The following LPIN1 variants were observed in gnomAD, a reference collection of about 807,000 sequenced individuals.
LPIN1 encodes the protein lipin 1, also known as phosphatidate phosphatase LPIN1.
A neutral mutation model predicts 107.5 loss-of-function variants in LPIN1; 71 were observed. That is an observed-to-expected ratio of 0.66 (90% CI 0.55 to 0.80). The LOEUF (loss-of-function observed/expected upper bound fraction) is 0.80. Ranked by LOEUF, LPIN1 falls within the 30% of genes least tolerant of loss-of-function variation. The pLI is 0.00. For synonymous variants in LPIN1, 445 were observed against 452.6 expected, an observed-to-expected ratio of 0.98 and a Z score of 0.21; for missense variants, 1,043 against 1,160.6, an observed-to-expected ratio of 0.90 and a Z score of 1.47.
intron 3 of LPIN1, among the ~76,000 whole-genome samples, chr2:11,770,874 T>C (rs1357364084): frequency 6.6e-6 from 1 of 152,178 alleles, no homozygotes; most frequent in East Asian, 1.9e-4. Flanking sequence ...ATCGGTTGTT[T>C]TACGTGTTTT....
Position 11,803,050 on chromosome 2 carries a change from T to G in LPIN1, c.2013+17T>G. 6.2e-7 allele frequency: 1 copy of G among 1,611,974 alleles called. No homozygotes were observed. The highest frequency in any genetic ancestry group is 8.5e-7 in the Non-Finnish European group (1 of 1,180,024). ...GAGCAGCTTGTGAGTCTCCCATGCTTGGCGCGGCTGTGTTGTGAGCACATG... is the reference window on the plus strand; with the variant it reads ...GAGCAGCTTGTGAGTCTCCCATGCTGGGCGCGGCTGTGTTGTGAGCACATG... On this transcript the variant is annotated intron_variant, in intron 15 of 20. Coordinates refer to ENST00000674199, the MANE Select transcript of LPIN1 (RefSeq NM_001349206.2). This position sits in a 1 kb window ranked among gnomAD's most constrained non-coding sequence, Gnocchi z 4.2.
At chr2:11,779,388 A>AT in intron 6 of LPIN1, 131 bp from the exon 7 acceptor site, 2 of 999,030 alleles carry the variant, frequency 2.0e-6, no homozygotes, top group Non-Finnish European at 1.5e-6. Flanking sequence ...GGGATTTGTC[A>AT]TGAGGCTCCG....
intron 18 of LPIN1, chr2:11,818,468 G>T (rs1356466635): frequency 6.7e-6 from 1 of 149,212 alleles, no homozygotes; most frequent in Non-Finnish European, 1.5e-5. Context: ...TACCTTTTCT[G>T]CTTGTTTCTA....
chr2:11,785,091 G>T lies in LPIN1; in HGVS notation c.1549+15G>T. 6.5e-7 allele frequency: 1 copy of T among 1,535,302 alleles called. No individual in the cohort carries two copies. The highest frequency in any genetic ancestry group is 1.4e-5 in the African/African-American group (1 of 73,200). ...GATCACGAAAGGTACCGCGGGCCTCGCGCGGGCGCCCTCTGGTGGCCGCCG... is the reference window on the plus strand; with the variant it reads ...GATCACGAAAGGTACCGCGGGCCTCTCGCGGGCGCCCTCTGGTGGCCGCCG... On this transcript the variant is annotated intron_variant, in intron 10 of 20. Transcript: ENST00000674199.
At chr2:11,760,580 T>C (rs936103468) in intron 1 of LPIN1, among the ~76,000 whole-genome samples, 13 of 151,978 alleles carry the variant, frequency 8.6e-5, no homozygotes, top group East Asian at 7.7e-4. Context: ...ACTCGGCAGG[T>C]TGAGGCAGGA....
At chr2:11,807,723 TTGA>T (rs1270953009) in intron 17 of LPIN1, among the ~76,000 whole-genome samples, 2 of 152,142 alleles carry the variant, frequency 1.3e-5, no homozygotes, top group Non-Finnish European at 2.9e-5. Flanking sequence ...TGCCTGCTCA[TTGA>T]GTTGGATATG....
chr2:11,764,078 G>GTGTATATATATA (rs1313228035), intron 1 of LPIN1: 2 of 63,278 alleles, frequency 3.2e-5, no homozygotes, highest in East Asian at 8.0e-4. Context: ...GTGTGTGTGT[G>GTGTATATATATA]TATATATATA....
intron 1 of LPIN1, among the ~76,000 whole-genome samples, chr2:11,753,289 G>T (rs1216591550): frequency 2.6e-5 from 4 of 152,144 alleles, no homozygotes; most frequent in Non-Finnish European, 4.4e-5. Context: ...CCTTTAAAAG[G>T]CCTCTGACTT....
intron 13 of LPIN1, among the ~76,000 whole-genome samples, chr2:11,793,860 A>G (rs1262596877): frequency 6.6e-6 from 1 of 152,148 alleles, no homozygotes; most frequent in Admixed American, 6.5e-5. Context: ...GAGACCATAT[A>G]TGGCTTTGAT....
At chr2:11,767,703 T>G in intron 2 of LPIN1, 60 bp from the exon 3 acceptor site, 101 of 1,059,276 alleles carry the variant, frequency 9.5e-5, no homozygotes, top group Non-Finnish European at 1.4e-4. Flanking sequence ...GCCGTCCCCA[T>G]GAGGTCTCCT....
rs753859963 is a variant in LPIN1 at position 11,805,289 on chromosome 2, T to TGG, written c.2249+137_2249+138dup. On this transcript the variant is annotated intron_variant, in intron 17 of 20. Coordinates refer to ENST00000674199, the MANE Select transcript of LPIN1 (RefSeq NM_001349206.2). ...CTGCACCTCAACCAGGGAGGGGCAG[T>TGG]GGGGGTCAGGGGTAGCAGTGGAGTC... 6.1e-4 allele frequency: 458 copies of TGG among 750,536 alleles called. 2 individuals carry two copies. Among genetic ancestry groups the TGG allele is most frequent in the Non-Finnish European group, 9.5e-4 (401 of 422,490 alleles). The allele number at this position is 750,536 out of a possible 1,614,324, so 46.5% of individuals were successfully genotyped here.
At chr2:11,791,127 G>C (rs1483716812) in intron 12 of LPIN1, among the ~76,000 whole-genome samples, 1 of 152,142 alleles carries the variant, frequency 6.6e-6, no homozygotes, top group African/African-American at 2.4e-5. Context: ...GTGTCAGATA[G>C]GGATCTTTTA....
chr2:11,811,943 C>T (rs1453264847), intron 17 of LPIN1, among the ~76,000 whole-genome samples: 1 of 152,124 alleles, frequency 6.6e-6, no homozygotes, highest in African/African-American at 2.4e-5. Context: ...TGAGATCGTG[C>T]CACTGCACTC....
intron 1 of LPIN1, among the ~76,000 whole-genome samples, chr2:11,696,237 GT>G (rs1254481022): frequency 2.0e-5 from 3 of 150,250 alleles, no homozygotes; most frequent in African/African-American, 7.4e-5. Context: ...CTGTGTCCAT[GT>G]GTTCTCATTG....
At chr2:11,810,450 A>G (rs1399861009) in intron 17 of LPIN1, among the ~76,000 whole-genome samples, 1 of 152,114 alleles carries the variant, frequency 6.6e-6, no homozygotes, top group Non-Finnish European at 1.5e-5. Context: ...TCCGGTGCAG[A>G]CGGTGGGGTG....
At chr2:11,710,266 G>T (rs1297932460) in intron 1 of LPIN1, among the ~76,000 whole-genome samples, 16 of 152,046 alleles carry the variant, frequency 1.1e-4, no homozygotes, top group East Asian at 9.6e-4. Context: ...ATTTATGGTG[G>T]CAGGGGTGTG....
chr2:11,799,148 C>T (rs909418096), intron 14 of LPIN1, among the ~76,000 whole-genome samples: 2 of 152,134 alleles, frequency 1.3e-5, no homozygotes, highest in East Asian at 1.9e-4. Context: ...TGCCCTAAGC[C>T]GAAACCACCA....
At chr2:11,735,562 G>A (rs1665713261) in intron 1 of LPIN1, among the ~76,000 whole-genome samples, 1 of 152,126 alleles carries the variant, frequency 6.6e-6, no homozygotes, top group Non-Finnish European at 1.5e-5. Flanking sequence ...CCTTCAACAA[G>A]TCTTCTGAGA....
At chr2:11,711,461 C>T (rs1011675919) in intron 1 of LPIN1, among the ~76,000 whole-genome samples, 1 of 152,192 alleles carries the variant, frequency 6.6e-6, no homozygotes, top group Non-Finnish European at 1.5e-5. Flanking sequence ...CCTTCTTTCC[C>T]TGGTTCTGTC....
Sources: allele counts gnomAD v4.1 joint callset (sites outside exome capture counted in the v4.1 genomes callset), GRCh38; gene constraint gnomAD v4.1.1; non-coding constraint Gnocchi (gnomAD v3.1); transcripts MANE v1.5; gene names NCBI Gene and HGNC (gene_info 2026-07-23, HGNC 2026-07-21).